GABBR1: variants seen among roughly 807,000 people sequenced by gnomAD.
GABBR1 encodes gamma-aminobutyric acid type B receptor subunit 1.
Under a neutral mutation model 117.7 loss-of-function variants are expected in GABBR1, and 35 were observed. The observed-to-expected ratio is 0.30, with a 90% CI of 0.23 to 0.39. The LOEUF is 0.39. Among genes scored for constraint, GABBR1 ranks in the 10% least tolerant of loss-of-function variants. The pLI is 1.00. For synonymous variants in GABBR1, 442 were observed against 486.6 expected, an observed-to-expected ratio of 0.91 and a Z score of 1.21; for missense variants, 709 against 1,241.8, an observed-to-expected ratio of 0.57 and a Z score of 6.45.
Position 29,624,112 on chromosome 6 carries a change from G to A in GABBR1, c.658-88C>T, listed in dbSNP as rs974434737. The A allele has an allele frequency of 3.1e-6, 4 of 1,294,532 alleles. No individual in the cohort carries two copies. The South Asian group carries it at 7.3e-5, about 24-fold the overall frequency. The allele number at this position is 1,294,532 out of a possible 1,614,324, so 80.2% of individuals were successfully genotyped here. On this transcript the variant is annotated intron_variant, in intron 6 of 22. Transcript: ENST00000377034. Reference sequence around the variant, plus strand: ...GCTCTTATCTTTCTCGAACAAATTAGTTCCTTTCTCAATTACTCACTTTCA... The same window carrying A: ...GCTCTTATCTTTCTCGAACAAATTAATTCCTTTCTCAATTACTCACTTTCA...
Position 29,609,072 on chromosome 6 carries a change from A to C in GABBR1, c.1859+157T>G, listed in dbSNP as rs1315696365. ...CTACTTTGGAGTAGGAGTGGGGGTT[A>C]TATCTGGTTTCCCTGTTTTCATTCT... On this transcript the variant is annotated intron_variant, in intron 15 of 22. Transcript: ENST00000377034. This position sits in a 1 kb window ranked among gnomAD's most constrained non-coding sequence, Gnocchi z 4.3. Among the ~76,000 whole-genome samples the C allele has an allele frequency of 1.3e-5, 2 of 151,978 alleles. No individual in the cohort carries two copies. The highest frequency in any genetic ancestry group is 4.8e-5 in the African/African-American group (2 of 41,346).
rs146349174 is a variant in GABBR1, at chr6:29,624,406, G to A, written c.658-382C>T. ...GGGTGGAAGAAGTCAGTAGGAATACGGTAAACTCTTTCCACATCCCCAGAT... is the reference window on the plus strand; with the variant it reads ...GGGTGGAAGAAGTCAGTAGGAATACAGTAAACTCTTTCCACATCCCCAGAT... On this transcript the variant is annotated intron_variant, in intron 6 of 22. Transcript: ENST00000377034. 1.7e-3 allele frequency: 284 copies of A among 167,620 alleles called. 2 individuals are homozygous for A. Among genetic ancestry groups the A allele is most frequent in the African/African-American group, 6.0e-3 (251 of 42,020 alleles). The allele number at this position is 167,620 out of a possible 1,614,324, so 10.4% of individuals were successfully genotyped here. A position where few individuals can be genotyped will look rare whatever the true frequency, so the allele number is the denominator to read the frequency against.
At position 29,604,570 on chromosome 6, in the gene GABBR1, G is replaced by A. The variant is rs1761755027; in HGVS notation, c.2636C>T (p.Ser879Leu). The stretch of plus-strand genomic sequence containing the variant: ...CTTCTCCTCCTCGTTGTTGTTGGTC[G>A]ATGACCCTGTCTTCATGGTGTCCTG... ...EAQDTMKTGS[S>L]TNNNEEEKSR... Residue 879 changes from serine to leucine, a missense_variant, in exon 22 of 23, where the codon TCG becomes TTG. Physicochemically the swap from Ser to Leu is moderately radical, Grantham distance 145 (BLOSUM62 -2). Around this residue, in one of 9 missense-constraint regions of GABBR1, gnomAD observed 251 missense variants for 445.3 expected, o/e 0.56. Transcript: ENST00000377034. This position sits in a 1 kb window ranked among gnomAD's most constrained non-coding sequence, Gnocchi z 5.3. The A allele has an allele frequency of 1.9e-6, 3 of 1,613,248 alleles. No individual in the cohort carries two copies. The highest frequency in any genetic ancestry group is 2.5e-6 in the Non-Finnish European group (3 of 1,180,032).
chr6:29,625,875 A>G (rs1427204141), intron 6 of GABBR1, among the ~76,000 whole-genome samples: 2 of 152,106 alleles, frequency 1.3e-5, no homozygotes, highest in Non-Finnish European at 2.9e-5. Flanking sequence ...GACTGTCCCA[A>G]GTCTGACCCT....
chr6:29,610,817 A>C (rs1270634264), intron 14 of GABBR1, 107 bp downstream of exon 14: 1 of 959,838 alleles, frequency 1.0e-6, no homozygotes, highest in Non-Finnish European at 1.6e-6. Flanking sequence ...GCTGCCAGCC[A>C]CATTCCAACC....
chr6:29,625,057 G>A (rs1029735757), intron 6 of GABBR1, among the ~76,000 whole-genome samples: 3 of 151,972 alleles, frequency 2.0e-5, no homozygotes, highest in African/African-American at 7.3e-5. Flanking sequence ...ACCTCCCACT[G>A]AGGCCTGACA....
intron 11 of GABBR1, among the ~76,000 whole-genome samples, chr6:29,619,877 T>TA (rs1363223318): frequency 6.6e-6 from 1 of 152,218 alleles, no homozygotes; most frequent in Non-Finnish European, 1.5e-5. Context: ...CCTTAAAACA[T>TA]AGAGTCCATT....
In GABBR1 at chr6:29,631,312, T is replaced by C. The variant is rs1764933390; in HGVS notation, c.289+84A>G. ...GAATTTTGGTATACTGGATTTAAAG[T>C]GCTGACTTGCAAGCAGTAATGCTAA... On this transcript the variant is annotated intron_variant, in intron 3 of 22. Coordinates refer to ENST00000377034, the MANE Select transcript of GABBR1 (RefSeq NM_001470.4). The surrounding 1 kb of genome is among the most constrained non-coding windows in gnomAD (Gnocchi z 5.9). 3.0e-6 allele frequency: 4 copies of C among 1,332,260 alleles called. No individual in the cohort carries two copies. Among genetic ancestry groups the C allele is most frequent in the Non-Finnish European group, 4.3e-6 (4 of 937,450 alleles). 82.5% of individuals were successfully genotyped at this position (1,332,260 alleles called of 1,614,324 possible). A position where few individuals can be genotyped will look rare whatever the true frequency, so the allele number is the denominator to read the frequency against.
At chr6:29,624,056 T>C in intron 6 of GABBR1, 32 bp from the exon 7 acceptor site, 1 of 1,568,898 alleles carries the variant, frequency 6.4e-7, no homozygotes, top group Non-Finnish European at 8.7e-7. Context: ...GGGCAAGCTC[T>C]CCTGGGGCCC....
chr6:29,602,501 A>T lies in GABBR1; in HGVS notation c.*1042T>A. 7 of 158,462 alleles carry T rather than the reference A, an allele frequency of 4.4e-5. No individual in the cohort carries two copies. The highest frequency in any genetic ancestry group is 2.4e-4 in the Admixed American group (4 of 16,936). The allele number at this position is 158,462 out of a possible 1,614,324, so 9.8% of individuals were successfully genotyped here. ...AGAAGATGATTGTGAGTGTAGACTG[A>T]GGGTAGTACATGAATGCAATGGAGA... On this transcript the variant is annotated 3_prime_UTR_variant, in exon 23 of 23. Transcript: ENST00000377034.
At chr6:29,608,374 C>T (rs1238592982) in intron 16 of GABBR1, 2 of 482,630 alleles carry the variant, frequency 4.1e-6, no homozygotes, top group East Asian at 3.5e-5. Flanking sequence ...CCTGCCATGG[C>T]AACCTTGGAA....
In GABBR1 at chr6:29,632,836, G is replaced by A. The variant is rs1765154247; in HGVS notation, c.-1+14C>T. The A allele has an allele frequency of 2.1e-6, 1 of 481,352 alleles. No homozygotes were observed. The highest frequency in any genetic ancestry group is 6.2e-5 in the Admixed American group (1 of 16,006). 29.8% of individuals were successfully genotyped at this position (481,352 alleles called of 1,614,324 possible). On this transcript the variant is annotated intron_variant, in intron 1 of 22. Transcript: ENST00000377034. This position sits in a 1 kb window ranked among gnomAD's most constrained non-coding sequence, Gnocchi z 5.8. The stretch of plus-strand genomic sequence containing the variant: ...CCTCTCCGAGCCCTGCTAACCCGGG[G>A]CCCTGGCTCTTACCTCGGCGCGCGG...
chr6:29,632,520 G>A lies in GABBR1; in HGVS notation c.1-135C>T. The A allele has an allele frequency of 1.1e-6, 1 of 927,382 alleles. No homozygotes were observed. Among genetic ancestry groups the A allele is most frequent in the Non-Finnish European group, 1.5e-6 (1 of 666,206 alleles). The allele number at this position is 927,382 out of a possible 1,614,324, so 57.4% of individuals were successfully genotyped here. A position where few individuals can be genotyped will look rare whatever the true frequency, so the allele number is the denominator to read the frequency against. ...CCTGGGGACCAAGAGAGCGCCCCGC[G>A]GAGGAGGCGGGGGCGGAGCCCCGCG... On this transcript the variant is annotated intron_variant, in intron 1 of 22. Transcript: ENST00000377034. The surrounding 1 kb of genome is among the most constrained non-coding windows in gnomAD (Gnocchi z 5.8).
chr6:29,602,497 A>AT lies in GABBR1; in HGVS notation c.*1045_*1046insA. On this transcript the variant is annotated 3_prime_UTR_variant, in exon 23 of 23. Transcript: ENST00000377034. The stretch of plus-strand genomic sequence containing the variant: ...TGGGAGAAGATGATTGTGAGTGTAG[A>AT]CTGAGGGTAGTACATGAATGCAATG... 8.7e-5 allele frequency: 14 copies of AT among 161,440 alleles called. No individual in the cohort carries two copies. The highest frequency in any genetic ancestry group is 4.9e-4 in the South Asian group (3 of 6,082). 10.0% of individuals were successfully genotyped at this position (161,440 alleles called of 1,614,324 possible). A position where few individuals can be genotyped will look rare whatever the true frequency, so the allele number is the denominator to read the frequency against.
chr6:29,603,598 T>G lies in GABBR1; in HGVS notation c.2831A>C (p.Glu944Ala). The part of the protein sequence containing the change: ...PSGGLPRGPP[E>A]PPDRLSCDGS... ...ATCACAGCTAAGCCGGTCGGGGGGC[T>G]CAGGGGGTCCCCTGGGCAGGCCCCC... The change falls in exon 23 of 23, where the codon GAG becomes GCG. Residue 944 changes from glutamate (E) to alanine (A), a missense_variant. Glu to Ala is a moderately radical substitution (Grantham distance 107, BLOSUM62 -1). Transcript: ENST00000377034. 1 of 1,587,902 alleles carries G rather than the reference T, an allele frequency of 6.3e-7. No individual in the cohort carries two copies. Among genetic ancestry groups the G allele is most frequent in the Non-Finnish European group, 8.6e-7 (1 of 1,168,820 alleles).
chr6:29,619,140 T>C (rs1231553713), intron 11 of GABBR1, among the ~76,000 whole-genome samples: 1 of 152,228 alleles, frequency 6.6e-6, no homozygotes, highest in East Asian at 1.9e-4. Context: ...TTCCAGGTGG[T>C]TCTGACGGAT....
In GABBR1 at chr6:29,606,521, C is replaced by T; in HGVS notation, c.2218-37G>A. 7.1e-7 allele frequency: 1 copy of T among 1,405,406 alleles called. No homozygotes were observed. Among genetic ancestry groups the T allele is most frequent in the Non-Finnish European group, 1.0e-6 (1 of 990,204 alleles). The allele number at this position is 1,405,406 out of a possible 1,614,324, so 87.1% of individuals were successfully genotyped here. A position where few individuals can be genotyped will look rare whatever the true frequency, so the allele number is the denominator to read the frequency against. ...ACAAGGTCACAAGAAAGATGGTTGC[C>T]AGCCTCCCCTCCTCTCCTCAACGCT... On this transcript the variant is annotated intron_variant, in intron 18 of 22. Transcript: ENST00000377034. The surrounding 1 kb of genome is among the most constrained non-coding windows in gnomAD (Gnocchi z 4.5).
At chr6:29,608,553 G>A (rs368884104) in intron 16 of GABBR1, 48 bp downstream of exon 16, 32 of 1,590,228 alleles carry the variant, frequency 2.0e-5, no homozygotes, top group African/African-American at 1.2e-4. Flanking sequence ...CTCCTGAGAC[G>A]GGTGGGAGAG....
chr6:29,623,448 G>T lies in GABBR1; in HGVS notation c.820C>A (p.Leu274Met). Residue 274 changes from leucine (L) to methionine (M), a missense_variant, in exon 8 of 23, where the codon CTG becomes ATG. By Grantham distance (15) the Leu-to-Met change is conservative. Coordinates refer to ENST00000377034, the MANE Select transcript of GABBR1 (RefSeq NM_001470.4). This position sits in a 1 kb window ranked among gnomAD's most constrained non-coding sequence, Gnocchi z 6.2. ...GTGGGGAAACGCTGCCGGTTTGACA[G>T]GGCTGGTGAGCTGGAGCCATAGGAA... Reference protein sequence around the residue: ...VLSYGSSSPALSNRQRFPTFF... With the variant: ...VLSYGSSSPAMSNRQRFPTFF... 6.2e-7 allele frequency: 1 copy of T among 1,613,862 alleles called. No individual in the cohort carries two copies. The highest frequency in any genetic ancestry group is 8.5e-7 in the Non-Finnish European group (1 of 1,180,012).
Sources: allele counts gnomAD v4.1 joint callset (sites outside exome capture counted in the v4.1 genomes callset), GRCh38; gene constraint gnomAD v4.1.1; regional missense constraint gnomAD v4.1.1; non-coding constraint Gnocchi (gnomAD v3.1); transcripts MANE v1.5; gene names NCBI Gene and HGNC (gene_info 2026-07-23, HGNC 2026-07-21).